TPM1: variants seen among roughly 807,000 people sequenced by gnomAD.
The protein encoded by TPM1 is tropomyosin 1, also known as tropomyosin alpha-1 chain.
In TPM1, 24 loss-of-function variants were observed where a neutral mutation model predicts 42.9. That is an observed-to-expected ratio of 0.56 (90% CI 0.41 to 0.79). The LOEUF (loss-of-function observed/expected upper bound fraction) is 0.79. Among genes scored for constraint, TPM1 ranks in the 30% least tolerant of loss-of-function variants. TPM1 has a pLI of 0.00. For missense variants in TPM1, 158 were observed against 351.8 expected (o/e 0.45, Z 4.41); for synonymous variants, 136 against 130.1 (o/e 1.05, Z -0.31).
Position 63,042,944 on chromosome 15 carries a change from G to T in TPM1, c.114+1G>T. 6.3e-7 allele frequency: 1 copy of T among 1,593,658 alleles called. No homozygotes were observed. Among genetic ancestry groups the T allele is most frequent in the Non-Finnish European group, 8.5e-7 (1 of 1,170,060 alleles). On this transcript the variant is annotated splice_donor_variant, in intron 1 of 9. Transcript: ENST00000403994. LOFTEE classifies it high-confidence loss of function. ...GGCGGCGGAAGACAGGAGCAAGCAG[G>T]TCTGCGCCTCCCCGGCCCTGCGCCC...
chr15:63,061,408 C>T lies in TPM1; in HGVS notation c.564-305C>T, dbSNP rs1453649051. The T allele has an allele frequency of 1.3e-5, 12 of 892,796 alleles. No individual in the cohort carries two copies. The Admixed American group carries it at 2.0e-4, about 15-fold the overall frequency. 55.3% of individuals were successfully genotyped at this position (892,796 alleles called of 1,614,324 possible). A position where few individuals can be genotyped will look rare whatever the true frequency, so the allele number is the denominator to read the frequency against. On this transcript the variant is annotated intron_variant, in intron 5 of 9. Coordinates refer to ENST00000403994, the MANE Select transcript of TPM1 (RefSeq NM_001018005.2). The stretch of plus-strand genomic sequence containing the variant: ...TGCTATTTATATCTTGCCTTAAGTG[C>T]TTTCCCTTGGTCCTTTATGCTCCTT...
In TPM1 at chr15:63,064,071, G is replaced by A; in HGVS notation, c.780G>A (p.Leu260=). 6.2e-7 allele frequency: 1 copy of A among 1,614,002 alleles called. No homozygotes were observed. The highest frequency in any genetic ancestry group is 8.5e-7 in the Non-Finnish European group (1 of 1,180,014). ...EKSIDDLEDE[L]YAQKLKYKAI... ...TCCACTTCCTGGTCATAGACGAGCT[G>A]TACGCTCAGAAACTGAAGTACAAAG... Residue 260 remains leucine (L), a synonymous_variant, in exon 9 of 10, where the codon CTG becomes CTA. Transcript: ENST00000403994.
chr15:63,062,309 G>T (rs565549316), intron 7 of TPM1, 32 bp downstream of exon 7: 1 of 1,601,142 alleles, frequency 6.2e-7, no homozygotes, highest in African/African-American at 1.3e-5. Context: ...AAGCCAACTG[G>T]ATTTTAAATG....
Position 63,060,901 on chromosome 15 carries a change from C to T in TPM1, c.525C>T (p.Asp175=), listed in dbSNP as rs1596377965. 1 of 1,614,188 alleles carries T rather than the reference C, an allele frequency of 6.2e-7. No individual in the cohort carries two copies. Among genetic ancestry groups the T allele is most frequent in the South Asian group, 1.1e-5 (1 of 91,082 alleles). Residue 175 remains aspartate, a synonymous_variant, in exon 5 of 10, where the codon GAC becomes GAT. Transcript: ENST00000403994. ...VARKLVIIES[D]LERAEERAEL... ...GTAAGCTGGTCATCATTGAGAGCGA[C>T]CTGGAACGTGCAGAGGAGCGGGCTG...
downstream of TPM1, among the ~76,000 whole-genome samples, chr15:63,068,274 A>G (rs2036395745): frequency 6.6e-6 from 1 of 152,208 alleles, no homozygotes; most frequent in South Asian, 2.1e-4. Flanking sequence ...AGAGGAGTGA[A>G]GCGAGTCCGA....
At chr15:63,043,092 A>G in intron 1 of TPM1, 149 bp downstream of exon 1, 1 of 694,930 alleles carries the variant, frequency 1.4e-6, no homozygotes. Flanking sequence ...TCTGGAAAGA[A>G]GGAAGGGAAA....
chr15:63,056,749 G>C, intron 2 of TPM1: 1 of 569,038 alleles, frequency 1.8e-6, no homozygotes, highest in South Asian at 1.9e-5. Context: ...CTGTCTGTCT[G>C]ATGAGAATTG....
chr15:63,065,847 T>C (rs749218163), intron 9 of TPM1, 49 bp from the exon 10 acceptor site: 34 of 1,561,994 alleles, frequency 2.2e-5, no homozygotes, highest in African/African-American at 1.8e-4. Flanking sequence ...TTTTTTTTTT[T>C]CTCATTGTGC....
intron 2 of TPM1, among the ~76,000 whole-genome samples, chr15:63,052,284 C>T (rs542697996): frequency 2.0e-5 from 3 of 152,230 alleles, no homozygotes; most frequent in Admixed American, 6.5e-5. Context: ...ACACTTTGGG[C>T]GGCCGAGACG....
downstream of TPM1, chr15:63,069,790 T>C (rs1010653629): frequency 1.1e-5 from 17 of 1,579,792 alleles, no homozygotes; most frequent in Non-Finnish European, 1.2e-5. Flanking sequence ...TTGTGTTCTC[T>C]ATTAACTGCC....
At chr15:63,048,762 G>GC (rs2033113087) in intron 2 of TPM1, 2 of 1,510,858 alleles carry the variant, frequency 1.3e-6, no homozygotes, top group Non-Finnish European at 8.8e-7. Flanking sequence ...TCCCGGGGCA[G>GC]CCCCGCAGGG....
intron 9 of TPM1, 82 bp downstream of exon 9, chr15:63,064,224 C>CT: frequency 6.4e-7 from 1 of 1,562,634 alleles, no homozygotes. Flanking sequence ...TCCTTGCTCC[C>CT]TAATCTCCAT....
chr15:63,065,214 C>T (rs781228334), intron 9 of TPM1: 2 of 986,020 alleles, frequency 2.0e-6, no homozygotes, highest in Non-Finnish European at 2.4e-6. Context: ...TGAACAGATA[C>T]AACTAATTTA....
rs777086525 is a variant in TPM1 at position 63,048,373 on chromosome 15, G to A, written c.240+4221G>A. On this transcript the variant is annotated intron_variant, in intron 2 of 9. Transcript: ENST00000403994. ...GCGCGCGCCCCTCCCAGCCGCGCGC[G>A]CCCGCCTGCGGTTTGTCTGCGCAGC... The A allele has an allele frequency of 3.9e-3, 5,120 of 1,322,636 alleles. 11 individuals are homozygous for A. Among genetic ancestry groups the A allele is most frequent in the Non-Finnish European group, 4.6e-3 (4,758 of 1,036,880 alleles). The allele number at this position is 1,322,636 out of a possible 1,614,324, so 81.9% of individuals were successfully genotyped here.
intron 9 of TPM1, chr15:63,064,544 T>C: frequency 1.9e-6 from 2 of 1,056,558 alleles, no homozygotes; most frequent in Non-Finnish European, 2.3e-6. Context: ...ATAATCATTT[T>C]CGTTAAATAT....
intron 2 of TPM1, chr15:63,054,646 C>G (rs967393615): frequency 1.3e-5 from 2 of 152,144 alleles, no homozygotes; most frequent in African/African-American, 4.8e-5. Context: ...AACTTGGTAG[C>G]TACAAAAAAG....
intron 2 of TPM1, chr15:63,054,628 G>C (rs2034492088): frequency 6.6e-6 from 1 of 152,198 alleles, no homozygotes; most frequent in Admixed American, 6.5e-5. Context: ...GCAGAGCAGA[G>C]AACTTGGAAC....
intron 2 of TPM1, among the ~76,000 whole-genome samples, chr15:63,052,320 C>T (rs1452521370): frequency 2.6e-5 from 4 of 152,084 alleles, no homozygotes; most frequent in Admixed American, 1.3e-4. Context: ...GTCAGCAGTT[C>T]GAGACTAGCC....
chr15:63,064,418 G>A, intron 9 of TPM1: 3 of 1,250,124 alleles, frequency 2.4e-6, no homozygotes, highest in Non-Finnish European at 2.0e-6. Context: ...CTTGAGCACT[G>A]TCCTTTTGGG....
Sources: allele counts gnomAD v4.1 joint callset (sites outside exome capture counted in the v4.1 genomes callset), GRCh38; gene constraint gnomAD v4.1.1; transcripts MANE v1.5; gene names NCBI Gene and HGNC (gene_info 2026-07-23, HGNC 2026-07-21).